The following ANTXR1 variants were observed in gnomAD, a reference collection of about 807,000 sequenced individuals.
The protein encoded by ANTXR1 is anthrax toxin receptor 1.
ANTXR1 carries 19 observed loss-of-function variants against 78.1 expected under a neutral mutation model. The ratio of observed to expected loss-of-function variants is 0.24; its 90% confidence interval spans 0.17 to 0.36. ANTXR1 has a LOEUF of 0.36. Among genes scored for constraint, ANTXR1 ranks in the 10% least tolerant of loss-of-function variants. The pLI is 1.00. For synonymous variants in ANTXR1, 273 were observed against 260.5 expected (o/e 1.05, Z -0.46); for missense variants, 518 against 718.6 (o/e 0.72, Z 3.19).
At chr2:69,058,274 T>C (rs1173904736) in intron 3 of ANTXR1, among the ~76,000 whole-genome samples, 1 of 152,166 alleles carries the variant, frequency 6.6e-6, no homozygotes, top group African/African-American at 2.4e-5. Context: ...AGGACTTTCA[T>C]AGATAGAAAG....
chr2:69,208,522 A>G (rs981772875), intron 17 of ANTXR1, among the ~76,000 whole-genome samples: 3 of 152,270 alleles, frequency 2.0e-5, no homozygotes, highest in Non-Finnish European at 4.4e-5. Flanking sequence ...CTGAAATAAC[A>G]TTCTACATAT....
At position 69,123,083 on chromosome 2, in the gene ANTXR1, G is replaced by A. The variant is rs750351760; in HGVS notation, c.869G>A (p.Gly290Asp). The change falls in exon 11 of 18, where the codon GGC becomes GAC. Residue 290 changes from glycine to aspartate, a missense_variant. Coordinates refer to ENST00000303714, the MANE Select transcript of ANTXR1 (RefSeq NM_032208.3). The stretch of plus-strand genomic sequence containing the variant: ...CCAGCGCCTATCTTAAAAGAAGTTG[G>A]CATGTAAGTTTTCACCAGCAACTGA... ...LCPAPILKEVGMKAALQVSMN... is the reference protein window; with the variant it reads ...LCPAPILKEVDMKAALQVSMN... 2 of 1,614,100 alleles carry A rather than the reference G, an allele frequency of 1.2e-6. No individual in the cohort carries two copies. The highest frequency in any genetic ancestry group is 4.5e-5 in the East Asian group (2 of 44,886).
chr2:69,143,500 T>C (rs916041092), intron 12 of ANTXR1, among the ~76,000 whole-genome samples: 2 of 152,094 alleles, frequency 1.3e-5, no homozygotes, highest in African/African-American at 4.8e-5. Flanking sequence ...TACTGGACAA[T>C]TGAATGGTCC....
chr2:69,235,651 C>CAAAAAAAAAAAAAAAAAAA (rs554310438), intron 17 of ANTXR1, among the ~76,000 whole-genome samples: 1 of 58,224 alleles, frequency 1.7e-5, no homozygotes. Context: ...AACCCCGTCT[C>CAAAAAAAAAAAAAAAAAAA]AAAAAAAAAA....
At position 69,134,141 on chromosome 2, in the gene ANTXR1, T is replaced by C. The variant is rs368841419; in HGVS notation, c.951+9498T>C. Reference sequence around the variant, plus strand: ...GATGGGACCTCTCAACTTGGTGAAGTTAAAATCTCCGTTCGAATATTGTGT... The same window carrying C: ...GATGGGACCTCTCAACTTGGTGAAGCTAAAATCTCCGTTCGAATATTGTGT... On this transcript the variant is annotated intron_variant, in intron 12 of 17. Coordinates refer to ENST00000303714, the MANE Select transcript of ANTXR1 (RefSeq NM_032208.3). Among the ~76,000 whole-genome samples, 216 of 152,248 alleles carry C rather than the reference T, an allele frequency of 1.4e-3. 2 individuals carry two copies. The highest frequency in any genetic ancestry group is 5.0e-3 in the African/African-American group (209 of 41,534).
At chr2:69,070,805 G>T in intron 4 of ANTXR1, 77 bp downstream of exon 4, 2 of 1,384,462 alleles carry the variant, frequency 1.4e-6, no homozygotes, top group South Asian at 1.2e-5. Context: ...GATGAGATAA[G>T]GCACTTATAT....
intron 9 of ANTXR1, among the ~76,000 whole-genome samples, chr2:69,095,511 G>T (rs1172563117): frequency 6.6e-6 from 1 of 152,236 alleles, no homozygotes; most frequent in Admixed American, 6.5e-5. Context: ...AGAGACTGAG[G>T]CCAGGAATTG....
rs193161393 is a variant in ANTXR1, at chr2:69,028,323, G to A, written c.153-11721G>A. On this transcript the variant is annotated intron_variant, in intron 1 of 17. Transcript: ENST00000303714. ...TGGTGACAATCTTTAAAAGACAAAA[G>A]AAGAACTTTATAAGTGGGAAGAAAA... Among the ~76,000 whole-genome samples the A allele has an allele frequency of 7.6e-3, 1,155 of 152,140 alleles. 42 individuals are homozygous for A. Among genetic ancestry groups the A allele is most frequent in the Admixed American group, 0.072 (1,096 of 15,288 alleles).
At chr2:69,107,188 C>G (rs1299249435) in intron 10 of ANTXR1, among the ~76,000 whole-genome samples, 1 of 151,774 alleles carries the variant, frequency 6.6e-6, no homozygotes, top group African/African-American at 2.4e-5. Flanking sequence ...GGACAAATGA[C>G]CCATATCAGA....
intron 8 of ANTXR1, among the ~76,000 whole-genome samples, chr2:69,087,898 A>G (rs561004188): frequency 6.7e-4 from 102 of 152,310 alleles, no homozygotes; most frequent in Non-Finnish European, 1.1e-3. Flanking sequence ...ACCAACTGCC[A>G]TTGTGACTTC....
chr2:69,183,727 T>C (rs891393645), intron 16 of ANTXR1, among the ~76,000 whole-genome samples: 1 of 152,042 alleles, frequency 6.6e-6, no homozygotes, highest in Non-Finnish European at 1.5e-5. Context: ...AAGGCCTCTT[T>C]TCTATTCTTC....
intron 14 of ANTXR1, among the ~76,000 whole-genome samples, chr2:69,180,331 C>T (rs984190509): frequency 6.6e-6 from 1 of 152,190 alleles, no homozygotes; most frequent in African/African-American, 2.4e-5. Flanking sequence ...TTGTTCATTC[C>T]TCTGCTTTAT....
chr2:69,208,385 A>C (rs1674957570), intron 17 of ANTXR1, among the ~76,000 whole-genome samples: 1 of 152,262 alleles, frequency 6.6e-6, no homozygotes, highest in Admixed American at 6.5e-5. Context: ...ACATGTGGCT[A>C]TTGAGCACCT....
At chr2:69,118,080 T>C (rs745411556) in intron 10 of ANTXR1, among the ~76,000 whole-genome samples, 8 of 152,108 alleles carry the variant, frequency 5.3e-5, no homozygotes, top group Non-Finnish European at 1.2e-4. Flanking sequence ...ATATCTTTGG[T>C]AATGGACAAA....
chr2:69,065,633 T>C (rs1670377654), intron 3 of ANTXR1, among the ~76,000 whole-genome samples: 1 of 152,172 alleles, frequency 6.6e-6, no homozygotes, highest in South Asian at 2.1e-4. Context: ...TGTATTTCAC[T>C]AAAAAGTACA....
At chr2:69,035,820 T>C (rs144119108) in intron 1 of ANTXR1, among the ~76,000 whole-genome samples, 341 of 152,372 alleles carry the variant, frequency 2.2e-3, no homozygotes, top group African/African-American at 7.5e-3. Context: ...AATTCAGCTT[T>C]TGCCCATTAG....
intron 17 of ANTXR1, among the ~76,000 whole-genome samples, chr2:69,232,006 A>G (rs1296194989): frequency 6.6e-6 from 1 of 152,232 alleles, no homozygotes; most frequent in Non-Finnish European, 1.5e-5. Context: ...ACAGGAAGCA[A>G]GAATTATTTG....
chr2:69,120,403 C>T (rs536708611), intron 10 of ANTXR1, among the ~76,000 whole-genome samples: 9 of 152,300 alleles, frequency 5.9e-5, no homozygotes, highest in South Asian at 2.1e-4. Flanking sequence ...CGGTGGCTCA[C>T]GCCTGTAATC....
chr2:69,145,319 C>G (rs1327168935), intron 12 of ANTXR1: 1 of 1,586,688 alleles, frequency 6.3e-7, no homozygotes, highest in African/African-American at 1.3e-5. Flanking sequence ...TGTTCTCTTT[C>G]TTAAAGAGCC....
Sources: allele counts gnomAD v4.1 joint callset (sites outside exome capture counted in the v4.1 genomes callset), GRCh38; gene constraint gnomAD v4.1.1; transcripts MANE v1.5; gene names NCBI Gene and HGNC (gene_info 2026-07-23, HGNC 2026-07-21).